The following TRPM2 variants were observed in gnomAD, a reference collection of about 807,000 sequenced individuals.
The protein encoded by TRPM2 is transient receptor potential cation channel subfamily M member 2.
In TRPM2, 161 loss-of-function variants were observed where a neutral mutation model predicts 174.0. That is an observed-to-expected ratio of 0.93 (90% CI 0.81 to 1.05). TRPM2 has a LOEUF of 1.05. TRPM2 is among the 50% of genes least tolerant of loss of function. TRPM2 has a pLI of 0.00. For missense variants in TRPM2, 2,057 were observed against 2,038.0 expected (o/e 1.01, Z -0.18); for synonymous variants, 954 against 861.3 (o/e 1.11, Z -1.88).
At chr21:44,379,797 C>T (rs2048826269) in intron 8 of TRPM2, among the ~76,000 whole-genome samples, 1 of 152,238 alleles carries the variant, frequency 6.6e-6, no homozygotes, top group African/African-American at 2.4e-5. Flanking sequence ...CTCTCCCCTC[C>T]CTGTGCCTGC....
chr21:44,436,292 T>C lies in TRPM2; in HGVS notation c.4062-770T>C, dbSNP rs1342106405. On this transcript the variant is annotated intron_variant, in intron 28 of 31. Transcript: ENST00000397928. ...GCCCAGGCCCAGCTGCTGTGCCCTG[T>C]GCTCTCTGGGGCCTCTGCCTCCACA... Among the ~76,000 whole-genome samples, 8 of 152,248 alleles carry C rather than the reference T, an allele frequency of 5.3e-5. No individual in the cohort carries two copies. In the South Asian group the frequency reaches 1.2e-3, roughly 24 times the overall value.
At chr21:44,361,860 C>T (rs1602126812) in intron 2 of TRPM2, among the ~76,000 whole-genome samples, 1 of 152,294 alleles carries the variant, frequency 6.6e-6, no homozygotes, top group Non-Finnish European at 1.5e-5. Context: ...AGACATGCAC[C>T]ACCATGCCCG....
rs192173043 is a variant in TRPM2 at position 44,406,433 on chromosome 21, G to A, written c.2791-161G>A. ...TAGCACAAAGATGTCGGCAGTCCAC[G>A]AGGGTGTGGGGGCAGCCCCAGGACT... On this transcript the variant is annotated intron_variant, in intron 18 of 31. Coordinates refer to ENST00000397928, the MANE Select transcript of TRPM2 (RefSeq NM_003307.4). 2.1e-3 allele frequency among the ~76,000 whole-genome samples: 314 copies of A among 152,238 alleles called. 2 individuals carry two copies. Among genetic ancestry groups the A allele is most frequent in the African/African-American group, 7.2e-3 (301 of 41,538 alleles).
At chr21:44,355,261 A>C (rs2048025131) in intron 2 of TRPM2, among the ~76,000 whole-genome samples, 1 of 133,676 alleles carries the variant, frequency 7.5e-6, no homozygotes, top group African/African-American at 2.9e-5. Context: ...ACCCCCGCCC[A>C]GGCAACATGG....
At chr21:44,440,725 A>G (rs2051467432) in intron 30 of TRPM2, 64 bp from the exon 31 acceptor site, 3 of 1,406,758 alleles carry the variant, frequency 2.1e-6, no homozygotes. Context: ...GGAGGGCACG[A>G]GGTGGGCCGG....
At position 44,406,024 on chromosome 21, in the gene TRPM2, T is replaced by C. The variant is rs370473243; in HGVS notation, c.2777T>C (p.Ile926Thr). The part of the protein sequence containing the change: ...ISKTLGPKII[I>T]VKRMMKDVFF... ...AAGACGCTGGGGCCCAAGATCATCATTGTGAAGCGGATGGTAAGGGGGCGG... is the reference window on the plus strand; with the variant it reads ...AAGACGCTGGGGCCCAAGATCATCACTGTGAAGCGGATGGTAAGGGGGCGG... The change falls in exon 18 of 32, where the codon ATT becomes ACT. Residue 926 changes from isoleucine (I) to threonine (T), a missense_variant. Physicochemically the swap from Ile to Thr is moderately conservative, Grantham distance 89 (BLOSUM62 -1). Coordinates refer to ENST00000397928, the MANE Select transcript of TRPM2 (RefSeq NM_003307.4). The C allele has an allele frequency of 8.7e-6, 14 of 1,606,970 alleles. No homozygotes were observed. The highest frequency in any genetic ancestry group is 1.3e-5 in the African/African-American group (1 of 74,928).
At position 44,435,156 on chromosome 21, in the gene TRPM2, C is replaced by T. The variant is rs753208177; in HGVS notation, c.4000C>T (p.Arg1334Cys). 110 of 1,613,274 alleles carry T rather than the reference C, an allele frequency of 6.8e-5. No homozygotes were observed. The highest frequency in any genetic ancestry group is 3.3e-4 in the Middle Eastern group (2 of 6,058). The change falls in exon 28 of 32, where the codon CGT becomes TGT. Residue 1334 changes from arginine to cysteine, a missense_variant. Coordinates refer to ENST00000397928, the MANE Select transcript of TRPM2 (RefSeq NM_003307.4). ...GAACCCCATGGGCCGCACAGGACTG[C>T]GTGGGCGCGGGAGCCTCAGCTGCTT... ...PLNPMGRTGL[R>C]GRGSLSCFGP...
chr21:44,413,248 T>TTA, intron 19 of TRPM2, among the ~76,000 whole-genome samples: 1 of 147,196 alleles, frequency 6.8e-6, no homozygotes, highest in African/African-American at 2.5e-5. Context: ...TTTTTTTTTT[T>TTA]AATTTTTGAG....
At position 44,440,832 on chromosome 21, in the gene TRPM2, C is replaced by T; in HGVS notation, c.4313C>T (p.Ala1438Val). The T allele has an allele frequency of 1.2e-6, 2 of 1,613,970 alleles. No homozygotes were observed. Among genetic ancestry groups the T allele is most frequent in the Non-Finnish European group, 1.7e-6 (2 of 1,179,988 alleles). The change falls in exon 31 of 32, where the codon GCC becomes GTC. Residue 1438 changes from alanine to valine, a missense_variant. Coordinates refer to ENST00000397928, the MANE Select transcript of TRPM2 (RefSeq NM_003307.4). The stretch of plus-strand genomic sequence containing the variant: ...GATGACCCGAGGAACACGGACAATG[C>T]CTGGATCGAGACGGTGGCCGTCAGC... ...YMDDPRNTDN[A>V]WIETVAVSVH...
chr21:44,410,262 A>G (rs113018582), intron 19 of TRPM2, among the ~76,000 whole-genome samples: 2 of 76,730 alleles, frequency 2.6e-5, no homozygotes. Flanking sequence ...TTTTGACTGC[A>G]CTGTCTTGGC....
At chr21:44,368,382 C>T (rs778097340) in intron 4 of TRPM2, among the ~76,000 whole-genome samples, 9 of 151,352 alleles carry the variant, frequency 5.9e-5, no homozygotes, top group Non-Finnish European at 1.2e-4. Flanking sequence ...GCTGGGATAA[C>T]AGGCGTGAGC....
chr21:44,397,787 T>A lies in TRPM2; in HGVS notation c.1973T>A (p.Ile658Asn). ...GCAGCGGCCTTGGCCTGCAGCAAGATCCTGAAGGAACTGTCCAAGGAGGAG... is the reference window on the plus strand; with the variant it reads ...GCAGCGGCCTTGGCCTGCAGCAAGAACCTGAAGGAACTGTCCAAGGAGGAG... ...CIAAALACSK[I>N]LKELSKEEED... is the part of the protein sequence containing the mutation. Residue 658 changes from isoleucine (I) to asparagine (N), a missense_variant, in exon 13 of 32, where the codon ATC becomes AAC. Coordinates refer to ENST00000397928, the MANE Select transcript of TRPM2 (RefSeq NM_003307.4). 2.5e-6 allele frequency: 4 copies of A among 1,601,876 alleles called. No individual in the cohort carries two copies. The highest frequency in any genetic ancestry group is 3.4e-6 in the Non-Finnish European group (4 of 1,174,498).
upstream of TRPM2, chr21:44,353,605 C>A: frequency 7.4e-7 from 1 of 1,351,954 alleles, no homozygotes; most frequent in African/African-American, 1.5e-5. Flanking sequence ...TTTCAGCAAC[C>A]ACCCCATGTG....
At chr21:44,426,485 C>T (rs1476966273) in intron 25 of TRPM2, among the ~76,000 whole-genome samples, 175 bp from the exon 26 acceptor site, 1 of 152,134 alleles carries the variant, frequency 6.6e-6, no homozygotes, top group East Asian at 2.0e-4. Flanking sequence ...CCCGGCCCTG[C>T]CCAGCCCCCA....
chr21:44,423,744 G>T lies in TRPM2; in HGVS notation c.3549+12G>T. 1 of 1,595,800 alleles carries T rather than the reference G, an allele frequency of 6.3e-7. No individual in the cohort carries two copies. Among genetic ancestry groups the T allele is most frequent in the Non-Finnish European group, 8.5e-7 (1 of 1,173,706 alleles). On this transcript the variant is annotated intron_variant, in intron 23 of 31. Transcript: ENST00000397928. ...CCCTGGAGGAGCAGGTGGGTCCGAG[G>T]TCGGGGCCTCCGTCAGGAGGTGCCA...
At chr21:44,411,750 T>C (rs2050113586) in intron 19 of TRPM2, among the ~76,000 whole-genome samples, 1 of 152,214 alleles carries the variant, frequency 6.6e-6, no homozygotes, top group East Asian at 1.9e-4. Flanking sequence ...ATGTCCTTTA[T>C]CAGGTTGAAG....
Position 44,397,962 on chromosome 21 carries a change from A to G in TRPM2, c.2062+86A>G, listed in dbSNP as rs963278505. On this transcript the variant is annotated intron_variant, in intron 13 of 31. Transcript: ENST00000397928. ...GTTCCCATCCCTGGGTCTCAGCCCCATGTGCCCTCACCCTGGGGTCCTCGT... is the reference window on the plus strand; with the variant it reads ...GTTCCCATCCCTGGGTCTCAGCCCCGTGTGCCCTCACCCTGGGGTCCTCGT... 14 of 1,418,474 alleles carry G rather than the reference A, an allele frequency of 9.9e-6. No individual in the cohort carries two copies. In the Middle Eastern group the frequency reaches 7.4e-4, roughly 75 times the overall value. The allele number at this position is 1,418,474 out of a possible 1,614,324, so 87.9% of individuals were successfully genotyped here.
chr21:44,373,427 T>A (rs1053176099), intron 5 of TRPM2, among the ~76,000 whole-genome samples: 4 of 152,172 alleles, frequency 2.6e-5, no homozygotes, highest in Non-Finnish European at 5.9e-5. Flanking sequence ...CCTCAAGTGA[T>A]CCGCCCGCCT....
chr21:44,378,090 C>T (rs566762644), intron 7 of TRPM2, among the ~76,000 whole-genome samples: 1 of 152,294 alleles, frequency 6.6e-6, no homozygotes, highest in Admixed American at 6.5e-5. Flanking sequence ...GCTGGGGAGG[C>T]TGGGGGGTTT....
Sources: gnomAD v4.1 joint callset for allele counts (sites outside exome capture counted in the v4.1 genomes callset) on GRCh38, gnomAD v4.1.1 for gene constraint, MANE v1.5 for transcripts, NCBI Gene and HGNC (gene_info 2026-07-23, HGNC 2026-07-21) for gene names.